The following MAGI2 variants were observed in gnomAD, a reference collection of about 807,000 sequenced individuals.
MAGI2 encodes the protein membrane associated guanylate kinase, WW and PDZ domain containing 2.
Under a neutral mutation model 133.3 loss-of-function variants are expected in MAGI2, and 35 were observed. That is an observed-to-expected ratio of 0.26 (90% CI 0.20 to 0.35). The LOEUF (loss-of-function observed/expected upper bound fraction) is 0.35. Among genes scored for constraint, MAGI2 ranks in the 10% least tolerant of loss-of-function variants. The pLI is 1.00. For synonymous variants in MAGI2, 729 were observed against 710.6 expected (o/e 1.03, Z -0.41); for missense variants, 1,636 against 1,863.4 (o/e 0.88, Z 2.25).
rs563110785 is a variant in MAGI2 at position 78,584,150 on chromosome 7, G to A, written c.538+42970C>T. On this transcript the variant is annotated intron_variant, in intron 3 of 21. Coordinates refer to ENST00000354212, the MANE Select transcript of MAGI2 (RefSeq NM_012301.4). ...AAGAAAGGACACTGGGGCCGGGCACGGTGGCTCACGCCTGTAATCCCAGGA... is the reference window on the plus strand; with the variant it reads ...AAGAAAGGACACTGGGGCCGGGCACAGTGGCTCACGCCTGTAATCCCAGGA... 4.1e-4 allele frequency among the ~76,000 whole-genome samples: 62 copies of A among 152,234 alleles called. 1 individual carries two copies. The highest frequency in any genetic ancestry group is 1.1e-3 in the African/African-American group (47 of 41,550).
intron 1 of MAGI2, among the ~76,000 whole-genome samples, chr7:79,227,883 A>C (rs1023350548): frequency 2.0e-5 from 3 of 152,272 alleles, no homozygotes; most frequent in African/African-American, 7.2e-5. Context: ...CTGTTCTTTT[A>C]ACATTCTAGG....
At chr7:78,518,555 T>C (rs1367715969) in intron 4 of MAGI2, 1 of 152,234 alleles carries the variant, frequency 6.6e-6, no homozygotes, top group African/African-American at 2.4e-5. Flanking sequence ...TGCTTATTAC[T>C]ATTATCAATA....
rs869064064 is a variant in MAGI2 at position 79,135,938 on chromosome 7, CGAAAGAAA to C, written c.302-128740_302-128733del. Among the ~76,000 whole-genome samples, 30 of 63,060 alleles carry C rather than the reference CGAAAGAAA, an allele frequency of 4.8e-4. 1 individual carries two copies. The highest frequency in any genetic ancestry group is 1.5e-3 in the African/African-American group (17 of 11,244). The allele number at this position is 63,060 out of a possible 152,430, so 41.4% of individuals were successfully genotyped here. A position where few individuals can be genotyped will look rare whatever the true frequency, so the allele number is the denominator to read the frequency against. On this transcript the variant is annotated intron_variant, in intron 1 of 21. Transcript: ENST00000354212. Reference sequence around the variant, plus strand: ...CTTGAGTGACAGAGTAAAATCCTCTCGAAAGAAAGAAAGAAAGAAAGAAAGAAAGAAAG... The same window carrying C: ...CTTGAGTGACAGAGTAAAATCCTCTCGAAAGAAAGAAAGAAAGAAAGAAAG...
chr7:79,028,255 A>ATATG (rs1195275883), intron 1 of MAGI2, among the ~76,000 whole-genome samples: 1 of 23,980 alleles, frequency 4.2e-5, no homozygotes, highest in Non-Finnish European at 9.9e-5. Flanking sequence ...ATATATATAT[A>ATATG]TATATATATA....
At chr7:79,107,607 C>G (rs773259985) in intron 1 of MAGI2, among the ~76,000 whole-genome samples, 2 of 152,152 alleles carry the variant, frequency 1.3e-5, no homozygotes, top group Non-Finnish European at 2.9e-5. Context: ...ACTAATACAC[C>G]TCATGAATCA....
At chr7:78,665,391 G>A (rs1813440962) in intron 2 of MAGI2, among the ~76,000 whole-genome samples, 1 of 152,138 alleles carries the variant, frequency 6.6e-6, no homozygotes, top group Admixed American at 6.6e-5. Context: ...TAAATCAAAT[G>A]AAGCAGAGCA....
chr7:78,873,653 G>A (rs925282409), intron 2 of MAGI2, among the ~76,000 whole-genome samples: 1 of 152,070 alleles, frequency 6.6e-6, no homozygotes, highest in African/African-American at 2.4e-5. Flanking sequence ...GAAATAAAGT[G>A]TACAATAAAT....
At chr7:79,208,982 G>C (rs1377739753) in intron 1 of MAGI2, among the ~76,000 whole-genome samples, 3 of 151,942 alleles carry the variant, frequency 2.0e-5, no homozygotes, top group Non-Finnish European at 1.5e-5. Context: ...TAATCTCCTA[G>C]AAGTAGAGAG....
At chr7:78,160,311 A>C in intron 15 of MAGI2, 38 bp from the exon 16 acceptor site, 1 of 1,528,790 alleles carries the variant, frequency 6.5e-7, no homozygotes, top group Non-Finnish European at 8.8e-7. Flanking sequence ...CAATTACCTT[A>C]CAAGGGTCTC....
At chr7:79,131,597 G>A (rs149956124) in intron 1 of MAGI2, among the ~76,000 whole-genome samples, 28 of 152,254 alleles carry the variant, frequency 1.8e-4, no homozygotes, top group African/African-American at 6.3e-4. Context: ...AAATGTTAGA[G>A]CCTGAATTTG....
chr7:78,430,560 G>T (rs1184898380), intron 6 of MAGI2, among the ~76,000 whole-genome samples: 1 of 151,950 alleles, frequency 6.6e-6, no homozygotes, highest in Non-Finnish European at 1.5e-5. Flanking sequence ...GAAATCAGAA[G>T]TTCATTACTT....
chr7:78,656,099 G>T (rs186468014), intron 2 of MAGI2, among the ~76,000 whole-genome samples: 2 of 151,712 alleles, frequency 1.3e-5, no homozygotes, highest in African/African-American at 4.8e-5. Context: ...ACAAAAAACA[G>T]CCTAAGAGGC....
chr7:79,254,163 A>G (rs1014574129), intron 1 of MAGI2, among the ~76,000 whole-genome samples: 4 of 152,180 alleles, frequency 2.6e-5, no homozygotes, highest in Admixed American at 6.5e-5. Context: ...GTGCATTTCT[A>G]TTTTGCTCTT....
intron 1 of MAGI2, among the ~76,000 whole-genome samples, chr7:79,229,141 G>T (rs1444423165): frequency 7.1e-6 from 1 of 140,272 alleles, no homozygotes; most frequent in Admixed American, 7.1e-5. Flanking sequence ...CTAAGCACAG[G>T]AAAAAAAAAA....
chr7:78,559,693 T>C (rs1033957441), intron 3 of MAGI2, among the ~76,000 whole-genome samples: 13 of 152,186 alleles, frequency 8.5e-5, no homozygotes, highest in African/African-American at 3.1e-4. Flanking sequence ...TGAGCTTTTG[T>C]TGTGATTCAT....
intron 1 of MAGI2, among the ~76,000 whole-genome samples, chr7:79,347,547 A>G (rs556183376): frequency 2.6e-5 from 4 of 151,890 alleles, no homozygotes; most frequent in Admixed American, 2.6e-4. Context: ...CACACGAATT[A>G]TCTCACAGAG....
intron 6 of MAGI2, among the ~76,000 whole-genome samples, chr7:78,393,490 T>C (rs924085724): frequency 6.6e-6 from 1 of 152,214 alleles, no homozygotes; most frequent in South Asian, 2.1e-4. Context: ...TTGTTTTTTC[T>C]TATTGTCCAC....
chr7:78,179,259 T>C (rs1826957624), intron 13 of MAGI2, among the ~76,000 whole-genome samples: 1 of 152,234 alleles, frequency 6.6e-6, no homozygotes, highest in East Asian at 1.9e-4. Flanking sequence ...AGGATAGTTG[T>C]AGAAATTAAG....
At chr7:79,432,929 T>C (rs1847874123) in intron 1 of MAGI2, among the ~76,000 whole-genome samples, 1 of 152,184 alleles carries the variant, frequency 6.6e-6, no homozygotes, top group Non-Finnish European at 1.5e-5. Context: ...TTCTTTATTC[T>C]TGTTCCTCCT....
Sources: gnomAD v4.1 joint callset for allele counts (sites outside exome capture counted in the v4.1 genomes callset) on GRCh38, gnomAD v4.1.1 for gene constraint, MANE v1.5 for transcripts, NCBI Gene and HGNC (gene_info 2026-07-23, HGNC 2026-07-21) for gene names.